Variants in DNAH9 observed in about 807,000 individuals in gnomAD.
DNAH9 encodes the protein dynein axonemal heavy chain 9.
A neutral mutation model predicts 471.6 loss-of-function variants in DNAH9; 345 were observed. That is an observed-to-expected ratio of 0.73 (90% CI 0.67 to 0.80). The LOEUF (loss-of-function observed/expected upper bound fraction) is 0.80, where lower values mean the gene tolerates loss of function less well. DNAH9 is among the 30% of genes least tolerant of loss of function. The pLI is 0.00. For missense variants in DNAH9, 5,407 were observed against 5,609.2 expected (o/e 0.96, Z 1.15); for synonymous variants, 2,093 against 2,123.6 (o/e 0.99, Z 0.40).
At chr17:11,752,278 A>T (rs1288981997) in intron 32 of DNAH9, among the ~76,000 whole-genome samples, 1 of 152,190 alleles carries the variant, frequency 6.6e-6, no homozygotes, top group East Asian at 1.9e-4. Flanking sequence ...CTCTACCTTA[A>T]AAAGTTTAAT....
intron 38 of DNAH9, 134 bp downstream of exon 38, chr17:11,769,463 C>G (rs574090396): frequency 2.7e-6 from 2 of 739,142 alleles, no homozygotes; most frequent in Admixed American, 4.3e-5. Context: ...TCCTCCCACA[C>G]GCCCCTTCTC....
chr17:11,776,255 T>C (rs1047696457), intron 38 of DNAH9, among the ~76,000 whole-genome samples: 6 of 152,040 alleles, frequency 3.9e-5, no homozygotes, highest in Non-Finnish European at 7.4e-5. Flanking sequence ...TAATATCAGG[T>C]TAATGACAGT....
At chr17:11,611,912 G>A (rs2072646843) in intron 4 of DNAH9, 132 bp downstream of exon 4, 3 of 847,154 alleles carry the variant, frequency 3.5e-6, no homozygotes, top group South Asian at 3.0e-5. Flanking sequence ...AACTAGCATG[G>A]TGGCAAGAAT....
At chr17:11,946,199 CAAA>C (rs34028612) in intron 67 of DNAH9, among the ~76,000 whole-genome samples, 14 of 47,326 alleles carry the variant, frequency 3.0e-4, no homozygotes, top group African/African-American at 9.8e-4. Context: ...GAGTCCATCT[CAAA>C]AAAAAAAAAA....
chr17:11,644,744 T>A, intron 11 of DNAH9, 45 bp downstream of exon 11: 1 of 1,363,200 alleles, frequency 7.3e-7, no homozygotes, highest in Non-Finnish European at 1.0e-6. Context: ...TTGCACAGCC[T>A]CCATGCTGCC....
chr17:11,902,610 A>T, intron 59 of DNAH9, 109 bp from the exon 60 acceptor site: 1 of 1,034,938 alleles, frequency 9.7e-7, no homozygotes. Context: ...AAGAGTATAA[A>T]TGAGACAGAA....
At chr17:11,868,415 T>C (rs1340464109) in intron 50 of DNAH9, among the ~76,000 whole-genome samples, 1 of 152,224 alleles carries the variant, frequency 6.6e-6, no homozygotes, top group African/African-American at 2.4e-5. Context: ...TGTAAAAATA[T>C]GTACTCAGAG....
In DNAH9 at chr17:11,669,113, C is replaced by T; in HGVS notation, c.2781C>T (p.Ala927=). Residue 927 remains alanine, a synonymous_variant, in exon 16 of 69, where the codon GCC becomes GCT. Coordinates refer to ENST00000262442, the MANE Select transcript of DNAH9 (RefSeq NM_001372.4). ...TATTTGAAGCACAACTGAGTCTAGC[C>T]ATCCCAGAGCTAGTTTTCTATCCGT... is the stretch of plus-strand genomic sequence containing the variant. ...TPIFEAQLSL[A]IPELVFYPSL... is the part of the protein sequence containing the mutation. The T allele has an allele frequency of 1.2e-6, 2 of 1,613,778 alleles. No homozygotes were observed. The highest frequency in any genetic ancestry group is 1.7e-6 in the Non-Finnish European group (2 of 1,179,760).
intron 42 of DNAH9, among the ~76,000 whole-genome samples, chr17:11,796,359 T>C (rs528519181): frequency 2.0e-5 from 3 of 152,394 alleles, no homozygotes; most frequent in African/African-American, 7.2e-5. Flanking sequence ...ATTTTTGTTA[T>C]TGTCTGGCAA....
intron 17 of DNAH9, among the ~76,000 whole-genome samples, chr17:11,678,771 C>T (rs958076216): frequency 4.6e-5 from 7 of 151,978 alleles, no homozygotes; most frequent in South Asian, 2.1e-4. Flanking sequence ...TCTTACATTG[C>T]GTGTCTTTCA....
intron 15 of DNAH9, among the ~76,000 whole-genome samples, chr17:11,666,020 G>A (rs528082298): frequency 2.6e-5 from 4 of 152,134 alleles, no homozygotes; most frequent in Non-Finnish European, 5.9e-5. Flanking sequence ...CAGGATACAG[G>A]GGTGCTCCAA....
rs1446097207 is a variant in DNAH9 at position 11,937,335 on chromosome 17, T to C, written c.12490-17T>C. 3 of 1,593,558 alleles carry C rather than the reference T, an allele frequency of 1.9e-6. No homozygotes were observed. Among genetic ancestry groups the C allele is most frequent in the Non-Finnish European group, 1.7e-6 (2 of 1,168,508 alleles). On this transcript the variant is annotated splice_polypyrimidine_tract_variant and intron_variant, in intron 65 of 68. Coordinates refer to ENST00000262442, the MANE Select transcript of DNAH9 (RefSeq NM_001372.4). The surrounding 1 kb of genome is among the most constrained non-coding windows in gnomAD (Gnocchi z 4.1). ...CGTCCTGGTTTCTTTTTAAGTGAGC[T>C]TGCCCTTGATTTTCAGTACATCGAT...
chr17:11,916,250 A>G lies in DNAH9; in HGVS notation c.11750-7564A>G, dbSNP rs75474997. 1.9e-3 allele frequency among the ~76,000 whole-genome samples: 291 copies of G among 152,294 alleles called. 1 individual carries two copies. Among genetic ancestry groups the G allele is most frequent in the African/African-American group, 6.5e-3 (272 of 41,560 alleles). ...ATCACGTAGTTTGCAGCTTCCTGTC[A>G]TCTCAGGCAAACTGACCCCTCCCTG... On this transcript the variant is annotated intron_variant, in intron 61 of 68. Transcript: ENST00000262442.
intron 29 of DNAH9, among the ~76,000 whole-genome samples, chr17:11,740,885 AT>A (rs35498458): frequency 1.3e-5 from 2 of 151,930 alleles, no homozygotes; most frequent in African/African-American, 2.4e-5. Flanking sequence ...ACCATTTGGC[AT>A]TTTTTTTCCC....
At chr17:11,948,757 C>T (rs916354427) in intron 67 of DNAH9, among the ~76,000 whole-genome samples, 11 of 152,218 alleles carry the variant, frequency 7.2e-5, no homozygotes, top group African/African-American at 2.7e-4. Flanking sequence ...TTCACTTCTT[C>T]CCATGTCCTC....
chr17:11,642,008 G>A (rs572411370), intron 10 of DNAH9, among the ~76,000 whole-genome samples: 1 of 152,202 alleles, frequency 6.6e-6, no homozygotes, highest in Admixed American at 6.5e-5. Context: ...CTGGGGAGGG[G>A]CGTGACCTTT....
chr17:11,946,557 G>A (rs1031536477), intron 67 of DNAH9, among the ~76,000 whole-genome samples: 3 of 151,350 alleles, frequency 2.0e-5, no homozygotes, highest in Non-Finnish European at 4.4e-5. Context: ...CCAGCCACTC[G>A]GGAGGCTGAG....
intron 6 of DNAH9, among the ~76,000 whole-genome samples, chr17:11,627,603 C>T (rs1043501058): frequency 6.6e-6 from 1 of 152,068 alleles, no homozygotes; most frequent in African/African-American, 2.4e-5. Flanking sequence ...GTTTTCTTCC[C>T]AGTATATCAA....
chr17:11,634,591 A>C (rs903790389), intron 8 of DNAH9, among the ~76,000 whole-genome samples: 1 of 152,216 alleles, frequency 6.6e-6, no homozygotes, highest in Non-Finnish European at 1.5e-5. Flanking sequence ...TTATGCTTCC[A>C]TTGAGGCAGA....
Sources: gnomAD v4.1 joint callset for allele counts (sites outside exome capture counted in the v4.1 genomes callset) on GRCh38, gnomAD v4.1.1 for gene constraint, Gnocchi (gnomAD v3.1) non-coding constraint, MANE v1.5 for transcripts, NCBI Gene and HGNC (gene_info 2026-07-23, HGNC 2026-07-21) for gene names.